Variants in CES5A observed in about 807,000 individuals in gnomAD.
The protein encoded by CES5A is carboxylesterase 5.
A neutral mutation model predicts 62.9 loss-of-function variants in CES5A; 67 were observed. The ratio of observed to expected loss-of-function variants is 1.07; its 90% CI spans 0.88 to 1.31. The LOEUF is 1.31. Ranked by LOEUF, CES5A falls within the 50% of genes most tolerant of loss-of-function variation. The pLI is 0.00. For synonymous variants in CES5A, 296 were observed against 280.8 expected (o/e 1.05, Z -0.54); for missense variants, 748 against 708.5 (o/e 1.06, Z -0.63).
rs2142417797 is a variant in CES5A, at chr16:55,875,137, T to G, written c.73+12A>C. The G allele has an allele frequency of 6.2e-7, 1 of 1,613,448 alleles. No homozygotes were observed. The highest frequency in any genetic ancestry group is 2.2e-5 in the East Asian group (1 of 44,874). On this transcript the variant is annotated intron_variant, in intron 1 of 12. Transcript: ENST00000290567. The stretch of plus-strand genomic sequence containing the variant: ...TCTTCTGAGAGCCCTCCTTTCCCAT[T>G]GGATATCTCACCTTTGGTGGGGGCT...
chr16:55,852,847 C>CT (rs1567323602), intron 10 of CES5A, 34 bp downstream of exon 10: 1 of 1,595,378 alleles, frequency 6.3e-7, no homozygotes, highest in Non-Finnish European at 8.6e-7. Flanking sequence ...CCTCACTGGG[C>CT]TATGGTCCTG....
At chr16:55,950,670 A>G (rs1197883528) in intron 1 of CES5A, among the ~76,000 whole-genome samples, 1 of 152,092 alleles carries the variant, frequency 6.6e-6, no homozygotes, top group Non-Finnish European at 1.5e-5. Context: ...GAAATTGGAA[A>G]TAAGAGGCAT....
upstream of CES5A, among the ~76,000 whole-genome samples, chr16:55,927,977 C>A (rs891103280): frequency 2.6e-5 from 4 of 152,206 alleles, no homozygotes; most frequent in Admixed American, 2.6e-4. Flanking sequence ...GGCGCGGTGG[C>A]TCACGCCTGT....
chr16:55,885,265 C>A (rs997511887), intron 1 of CES5A, among the ~76,000 whole-genome samples: 3 of 152,160 alleles, frequency 2.0e-5, no homozygotes, highest in African/African-American at 7.2e-5. Context: ...TCACCTTGTG[C>A]CTCGTCAATC....
At chr16:55,946,998 A>C (rs113381022) in intron 2 of CES5A, among the ~76,000 whole-genome samples, 2 of 152,298 alleles carry the variant, frequency 1.3e-5, no homozygotes, top group South Asian at 2.1e-4. Context: ...AATGACATAC[A>C]ATCTGCCCAA....
At position 55,860,171 on chromosome 16, in the gene CES5A, A is replaced by G. The variant is rs528046885; in HGVS notation, c.916-484T>C. ...TGAACAAGCTTTTTTTTTGCCCACCACCATGTAAGATGTGCCTTTGCTCTT... is the reference window on the plus strand; with the variant it reads ...TGAACAAGCTTTTTTTTTGCCCACCGCCATGTAAGATGTGCCTTTGCTCTT... On this transcript the variant is annotated intron_variant, in intron 7 of 12. Coordinates refer to ENST00000290567, the MANE Select transcript of CES5A (RefSeq NM_001143685.2). 1.7e-4 allele frequency among the ~76,000 whole-genome samples: 26 copies of G among 151,952 alleles called. 1 individual carries two copies. The East Asian group carries it at 4.8e-3, about 28-fold the overall frequency.
At chr16:55,926,299 A>T (rs571374406), upstream of CES5A, among the ~76,000 whole-genome samples, 1 of 152,350 alleles carries the variant, frequency 6.6e-6, no homozygotes, top group South Asian at 2.1e-4. Flanking sequence ...AAATCTGTTC[A>T]TTGTCCTTCA....
intron 6 of CES5A, 101 bp downstream of exon 6, chr16:55,863,247 A>T: frequency 1.3e-6 from 1 of 745,762 alleles, no homozygotes; most frequent in Non-Finnish European, 2.5e-6. Flanking sequence ...TGCCTTGGGC[A>T]TGGTCACTAA....
chr16:55,863,797 G>C (rs1167242764), intron 5 of CES5A, among the ~76,000 whole-genome samples: 1 of 149,930 alleles, frequency 6.7e-6, no homozygotes, highest in African/African-American at 2.5e-5. Context: ...TCGCTCTGTG[G>C]CCAGGCTGGA....
At chr16:55,850,458 T>C (rs2033108559) in intron 10 of CES5A, among the ~76,000 whole-genome samples, 1 of 152,202 alleles carries the variant, frequency 6.6e-6, no homozygotes, top group African/African-American at 2.4e-5. Context: ...GAACATTTCG[T>C]ATAAATGGGA....
rs369486614 is a variant in CES5A at position 55,849,817 on chromosome 16, G to A, written c.1274-44C>T. Reference sequence around the variant, plus strand: ...AGGTCAGGCATGCATGCAGCGCGGAGCAGGGGGCTGGCTCTGTGTCCCCAC... The same window carrying A: ...AGGTCAGGCATGCATGCAGCGCGGAACAGGGGGCTGGCTCTGTGTCCCCAC... On this transcript the variant is annotated intron_variant, in intron 10 of 12. Transcript: ENST00000290567. 779 of 1,597,852 alleles carry A rather than the reference G, an allele frequency of 4.9e-4. 1 individual carries two copies. The highest frequency in any genetic ancestry group is 5.7e-4 in the Non-Finnish European group (672 of 1,172,366).
chr16:55,930,201 G>A (rs558502406), upstream of CES5A, among the ~76,000 whole-genome samples: 30 of 149,194 alleles, frequency 2.0e-4, 1 homozygote, highest in South Asian at 6.4e-4. Flanking sequence ...CAACCTGTCA[G>A]AACCCCCCAC....
intron 1 of CES5A, 130 bp from the exon 2 acceptor site, chr16:55,874,167 T>C: frequency 1.3e-6 from 1 of 783,378 alleles, no homozygotes; most frequent in Admixed American, 2.5e-5. Flanking sequence ...GGTATCCAGG[T>C]TCCCTCTCCA....
chr16:55,937,207 A>G (rs1317258277), intron 2 of CES5A, among the ~76,000 whole-genome samples: 1 of 152,130 alleles, frequency 6.6e-6, no homozygotes, highest in Non-Finnish European at 1.5e-5. Flanking sequence ...CCCTTCCCCC[A>G]GCAGAGCTGT....
chr16:55,938,783 T>TACACACACAC (rs1467036191), intron 2 of CES5A, among the ~76,000 whole-genome samples: 1 of 94,660 alleles, frequency 1.1e-5, no homozygotes, highest in African/African-American at 5.3e-5. Context: ...TATATATATA[T>TACACACACAC]ATATATATAT....
chr16:55,891,123 C>G (rs759219592), intron 1 of CES5A, among the ~76,000 whole-genome samples: 2 of 152,050 alleles, frequency 1.3e-5, no homozygotes, highest in Non-Finnish European at 2.9e-5. Flanking sequence ...TTTTTCCCAC[C>G]AAACCACTCA....
At chr16:55,923,623 CA>C (rs1313136151) in intron 1 of CES5A, among the ~76,000 whole-genome samples, 1 of 151,582 alleles carries the variant, frequency 6.6e-6, no homozygotes, top group Non-Finnish European at 1.5e-5. Flanking sequence ...TCAAACTCTT[CA>C]AAAAAATTGA....
Position 55,861,494 on chromosome 16 carries a change from C to T in CES5A, c.833G>A (p.Cys278Tyr). 1 of 1,613,202 alleles carries T rather than the reference C, an allele frequency of 6.2e-7. No homozygotes were observed. Among genetic ancestry groups the T allele is most frequent in the Non-Finnish European group, 8.5e-7 (1 of 1,179,160 alleles). ...CTCAGAGTCTGACGCATTGTTACCA[C>T]AGAAATGTGCAACCACCTGCAGCTA... is the stretch of plus-strand genomic sequence containing the variant. ...SEDLQVVAHFCGNNASDSEAL... is the reference protein window; with the variant it reads ...SEDLQVVAHFYGNNASDSEAL... Residue 278 changes from cysteine (C) to tyrosine (Y), a missense_variant, in exon 7 of 13, where the codon TGT becomes TAT. By Grantham distance (194) the Cys-to-Tyr change is radical. Transcript: ENST00000290567.
At chr16:55,885,910 T>C (rs1301569391) in intron 1 of CES5A, among the ~76,000 whole-genome samples, 5 of 152,222 alleles carry the variant, frequency 3.3e-5, no homozygotes, top group African/African-American at 7.2e-5. Context: ...GCACATTTGG[T>C]ACATTAGAAA....
Sources: allele counts gnomAD v4.1 joint callset (sites outside exome capture counted in the v4.1 genomes callset), GRCh38; gene constraint gnomAD v4.1.1; transcripts MANE v1.5; gene names NCBI Gene and HGNC (gene_info 2026-07-23, HGNC 2026-07-21).